The following RPP38 variants were observed in gnomAD, a reference collection of about 807,000 sequenced individuals.
RPP38 encodes the protein ribonuclease P protein subunit p38.
Under a neutral mutation model 1.7 loss-of-function variants are expected in RPP38, and 2 were observed. The ratio of observed to expected loss-of-function variants is 1.18; its 90% CI spans 0.48 to 3.70. RPP38 has a LOEUF of 3.70. Ranked by LOEUF, RPP38 falls within the 30% of genes most tolerant of loss-of-function variation. RPP38 has a pLI of 0.07. For missense variants in RPP38, 358 were observed against 340.1 expected (o/e 1.05, Z -0.41); for synonymous variants, 151 against 131.8 (o/e 1.15, Z -1.00).
Position 15,103,932 on chromosome 10 carries a change from A to G in RPP38, c.618A>G (p.Pro206=), listed in dbSNP as rs758553027. Residue 206 remains proline (P), a synonymous_variant, in exon 3 of 3, where the codon CCA becomes CCG. Coordinates refer to ENST00000378197, the MANE Select transcript of RPP38 (RefSeq NM_183005.5). The part of the protein sequence containing the change: ...IIPRVPSLSV[P]WLQDRIEDSG... The stretch of plus-strand genomic sequence containing the variant: ...CCAGAGTCCCCAGTTTAAGTGTACC[A>G]TGGCTTCAAGACAGAATTGAAGATT... The G allele has an allele frequency of 2.5e-6, 4 of 1,614,076 alleles. No individual in the cohort carries two copies. Among genetic ancestry groups the G allele is most frequent in the African/African-American group, 1.3e-5 (1 of 74,922 alleles).
rs60451551 is a variant in RPP38, at chr10:15,098,226, GTTTTT to G, written c.-130+479_-130+483del. ...AGCCACATTGAACTTATTTGAACGT[GTTTTT>G]TTTTTTTTTTTTTTTTTTGAGACAT... On this transcript the variant is annotated intron_variant, in intron 1 of 2. Transcript: ENST00000378197. Among the ~76,000 whole-genome samples, 92 of 87,998 alleles carry G rather than the reference GTTTTT, an allele frequency of 1.0e-3. 1 individual carries two copies. Among genetic ancestry groups the G allele is most frequent in the Non-Finnish European group, 1.6e-3 (78 of 48,774 alleles). The allele number at this position is 87,998 out of a possible 152,430, so 57.7% of individuals were successfully genotyped here.
At position 15,104,114 on chromosome 10, in the gene RPP38, A is replaced by T; in HGVS notation, c.800A>T (p.Asn267Ile). 6.3e-7 allele frequency: 1 copy of T among 1,589,302 alleles called. No homozygotes were observed. Among genetic ancestry groups the T allele is most frequent in the Non-Finnish European group, 8.5e-7 (1 of 1,173,504 alleles). The stretch of plus-strand genomic sequence containing the variant: ...CTTAAAATAAAGAAACTGATTCCAA[A>T]CCCTAATAAGATAAGGAAACCACCC... ...QPLKIKKLIP[N>I]PNKIRKPPKS... Residue 267 changes from asparagine (N) to isoleucine (I), a missense_variant, in exon 3 of 3, where the codon AAC becomes ATC. By Grantham distance (149) the Asn-to-Ile change is moderately radical. Transcript: ENST00000378197.
At chr10:15,100,973 AC>A (rs1279632354) in intron 1 of RPP38, among the ~76,000 whole-genome samples, 1 of 152,098 alleles carries the variant, frequency 6.6e-6, no homozygotes, top group Non-Finnish European at 1.5e-5. Flanking sequence ...GAGCCACTGC[AC>A]CCGGCCTGGG....
rs887465553 is a variant in RPP38 at position 15,102,289 on chromosome 10, G to A, written c.-58G>A. 1.3e-5 allele frequency: 2 copies of A among 151,686 alleles called. No homozygotes were observed. Among genetic ancestry groups the A allele is most frequent in the Non-Finnish European group, 2.9e-5 (2 of 68,000 alleles). 9.4% of individuals were successfully genotyped at this position (151,686 alleles called of 1,614,324 possible). A position where few individuals can be genotyped will look rare whatever the true frequency, so the allele number is the denominator to read the frequency against. Reference sequence around the variant, plus strand: ...GCTCACTGCATCCTTGACCTCCTGGGCTCAAGTGATCTTCCCACCTCAGCC... The same window carrying A: ...GCTCACTGCATCCTTGACCTCCTGGACTCAAGTGATCTTCCCACCTCAGCC... On this transcript the variant is annotated 5_prime_UTR_variant, in exon 2 of 3. Transcript: ENST00000378197.
intron 1 of RPP38, among the ~76,000 whole-genome samples, chr10:15,098,414 G>A (rs1051065653): frequency 6.6e-6 from 1 of 150,598 alleles, no homozygotes; most frequent in African/African-American, 2.4e-5. Context: ...TAGTAGAGAC[G>A]GGTCACCACG....
rs765861627 is a variant in RPP38, at chr10:15,103,724, C to T, written c.410C>T (p.Ser137Leu). Residue 137 changes from serine to leucine, a missense_variant, in exon 3 of 3, where the codon TCA (serine) becomes TTA (leucine). Coordinates refer to ENST00000378197, the MANE Select transcript of RPP38 (RefSeq NM_183005.5). ...RELLLVLVCK[S>L]VKPAMITSHL... ...CTGCTGTTAGTTCTGGTGTGTAAAT[C>T]AGTCAAGCCTGCCATGATCACCTCA... is the stretch of plus-strand genomic sequence containing the variant. 1.2e-6 allele frequency: 2 copies of T among 1,613,814 alleles called. No individual in the cohort carries two copies. The highest frequency in any genetic ancestry group is 1.3e-5 in the African/African-American group (1 of 74,914).
intron 2 of RPP38, 54 bp from the exon 3 acceptor site, chr10:15,103,251 C>T: frequency 1.5e-5 from 21 of 1,432,552 alleles, no homozygotes; most frequent in Non-Finnish European, 1.9e-5. Context: ...ATTCTTAAGT[C>T]ATGCAGTTGT....
At position 15,097,772 on chromosome 10, in the gene RPP38, C is replaced by G. The variant is rs1844982510; in HGVS notation, c.-130+6C>G. Reference sequence around the variant, plus strand: ...CTAAATAGTAAAGCACCAAGGTACTCGATCCAGGGGCGGCGTGCAGTGGGG... The same window carrying G: ...CTAAATAGTAAAGCACCAAGGTACTGGATCCAGGGGCGGCGTGCAGTGGGG... On this transcript the variant is annotated splice_donor_region_variant and intron_variant, in intron 1 of 2. Transcript: ENST00000378197. The G allele has an allele frequency of 6.6e-6, 1 of 152,334 alleles. No individual in the cohort carries two copies. Among genetic ancestry groups the G allele is most frequent in the African/African-American group, 2.4e-5 (1 of 41,470 alleles). The allele number at this position is 152,334 out of a possible 1,614,324, so 9.4% of individuals were successfully genotyped here.
chr10:15,099,904 A>T (rs2131420540), intron 1 of RPP38, among the ~76,000 whole-genome samples: 1 of 152,306 alleles, frequency 6.6e-6, no homozygotes, highest in East Asian at 1.9e-4. Flanking sequence ...GGCTGCAGTG[A>T]GCCATGATCG....
intron 1 of RPP38, among the ~76,000 whole-genome samples, chr10:15,099,686 C>T (rs1329965135): frequency 6.6e-6 from 1 of 152,078 alleles, no homozygotes; most frequent in East Asian, 1.9e-4. Context: ...ACCATATTTG[C>T]CAGGCTGGTC....
At position 15,098,850 on chromosome 10, in the gene RPP38, C is replaced by T. The variant is rs1489966499; in HGVS notation, c.-130+1084C>T. ...GCAGTGAGCCGAGATTGTGCCACTG[C>T]ACTTCAGCCTGGCGACAGAATGAGA... On this transcript the variant is annotated intron_variant, in intron 1 of 2. Coordinates refer to ENST00000378197, the MANE Select transcript of RPP38 (RefSeq NM_183005.5). Among the ~76,000 whole-genome samples the T allele has an allele frequency of 2.8e-5, 4 of 144,634 alleles. No homozygotes were observed. In the Admixed American group the frequency reaches 2.9e-4, roughly 10 times the overall value. The allele number at this position is 144,634 out of a possible 152,430, so 94.9% of individuals were successfully genotyped here. A position where few individuals can be genotyped will look rare whatever the true frequency, so the allele number is the denominator to read the frequency against.
Position 15,103,982 on chromosome 10 carries a change from C to T in RPP38, c.668C>T (p.Pro223Leu), listed in dbSNP as rs748737243. Reference sequence around the variant, plus strand: ...TCTGGGGAAAATTTAGAGACTGAACCTCTGGAAAGCCAAGACAGAGAGCTT... The same window carrying T: ...TCTGGGGAAAATTTAGAGACTGAACTTCTGGAAAGCCAAGACAGAGAGCTT... ...EDSGENLETEPLESQDRELLD... is the reference protein window; with the variant it reads ...EDSGENLETELLESQDRELLD... The change falls in exon 3 of 3, where the codon CCT becomes CTT. Residue 223 changes from proline (P) to leucine (L), a missense_variant. Physicochemically the swap from Pro to Leu is moderately conservative, Grantham distance 98. Coordinates refer to ENST00000378197, the MANE Select transcript of RPP38 (RefSeq NM_183005.5). The T allele has an allele frequency of 1.2e-6, 2 of 1,613,988 alleles. No individual in the cohort carries two copies. Among genetic ancestry groups the T allele is most frequent in the South Asian group, 1.1e-5 (1 of 91,064 alleles).
At chr10:15,101,082 C>A (rs1006971934) in intron 1 of RPP38, among the ~76,000 whole-genome samples, 2 of 152,114 alleles carry the variant, frequency 1.3e-5, no homozygotes, top group African/African-American at 4.8e-5. Context: ...TTTTAAGAAG[C>A]CACAGGTTAT....
chr10:15,103,778 G>A lies in RPP38; in HGVS notation c.464G>A (p.Ser155Asn). Residue 155 changes from serine (S) to asparagine (N), a missense_variant, in exon 3 of 3, where the codon AGT (serine) becomes AAT (asparagine). Ser to Asn is a conservative substitution (Grantham distance 46). Transcript: ENST00000378197. ...SHLIQLSLSRSVPACQVPRLS... is the reference protein window; with the variant it reads ...SHLIQLSLSRNVPACQVPRLS... Reference sequence around the variant, plus strand: ...TTGATTCAGTTAAGCCTAAGCAGAAGTGTCCCTGCCTGTCAGGTCCCCCGG... The same window carrying A: ...TTGATTCAGTTAAGCCTAAGCAGAAATGTCCCTGCCTGTCAGGTCCCCCGG... 1 of 1,614,018 alleles carries A rather than the reference G, an allele frequency of 6.2e-7. No homozygotes were observed. The highest frequency in any genetic ancestry group is 8.5e-7 in the Non-Finnish European group (1 of 1,180,032).
At chr10:15,098,922 C>T (rs982684790) in intron 1 of RPP38, among the ~76,000 whole-genome samples, 1 of 148,192 alleles carries the variant, frequency 6.7e-6, no homozygotes, top group Non-Finnish European at 1.5e-5. Flanking sequence ...TCTGTGAGGA[C>T]TGCCTTTTCC....
intron 1 of RPP38, among the ~76,000 whole-genome samples, 152 bp downstream of exon 1, chr10:15,097,918 A>G (rs1266999603): frequency 6.6e-6 from 1 of 151,860 alleles, no homozygotes; most frequent in Admixed American, 6.6e-5. Context: ...GGGAGATTCT[A>G]CCTTCTTTTC....
Position 15,103,539 on chromosome 10 carries a change from AAGC to A in RPP38, c.228_230del (p.Ser76del), listed in dbSNP as rs1845189184. 2.0e-5 allele frequency: 32 copies of A among 1,614,174 alleles called. No individual in the cohort carries two copies. The highest frequency in any genetic ancestry group is 8.0e-5 in the African/African-American group (6 of 75,064). On this transcript the variant is annotated inframe_deletion, in exon 3 of 3. Transcript: ENST00000378197. ...ACAAAACACCTTTTCTGAAAAAAGA[AAGC>A]AGAGAGAAATGCAGCATTGCTGTTG...
In RPP38 at chr10:15,097,551, C is replaced by A. The variant is rs1239359929; in HGVS notation, c.-345C>A. 1 of 152,274 alleles carries A rather than the reference C, an allele frequency of 6.6e-6. No individual in the cohort carries two copies. The highest frequency in any genetic ancestry group is 2.4e-5 in the African/African-American group (1 of 41,472). The allele number at this position is 152,274 out of a possible 1,614,324, so 9.4% of individuals were successfully genotyped here. ...AACGCCTGTTGCGTGGCCGCAGGAC[C>A]CGCCGCCCTCCCGGTTGGGCCGCCC... On this transcript the variant is annotated 5_prime_UTR_variant, in exon 1 of 3. Transcript: ENST00000378197.
In RPP38 at chr10:15,103,342, C is replaced by T. The variant is rs138934702; in HGVS notation, c.28C>T (p.Arg10Trp). Residue 10 changes from arginine to tryptophan, a missense_variant, in exon 3 of 3, where the codon CGG becomes TGG. Arg to Trp is a moderately radical substitution (Grantham distance 101, BLOSUM62 -3). Coordinates refer to ENST00000378197, the MANE Select transcript of RPP38 (RefSeq NM_183005.5). MAAAPQAPG[R>W]GSLRKTRPLV... Reference sequence around the variant, plus strand: ...GGCTGCAGCTCCTCAAGCACCGGGGCGGGGATCTCTCCGTAAGACGAGACC... The same window carrying T: ...GGCTGCAGCTCCTCAAGCACCGGGGTGGGGATCTCTCCGTAAGACGAGACC... 50 of 1,593,420 alleles carry T rather than the reference C, an allele frequency of 3.1e-5. No individual in the cohort carries two copies. Among genetic ancestry groups the T allele is most frequent in the African/African-American group, 4.1e-5 (3 of 73,894 alleles).
Sources: gnomAD v4.1 joint callset for allele counts (sites outside exome capture counted in the v4.1 genomes callset) on GRCh38, gnomAD v4.1.1 for gene constraint, MANE v1.5 for transcripts, NCBI Gene and HGNC (gene_info 2026-07-23, HGNC 2026-07-21) for gene names.